The following SYT16 variants were observed in gnomAD, a reference collection of about 807,000 sequenced individuals.
SYT16 encodes the protein synaptotagmin-16.
SYT16 carries 42 observed loss-of-function variants against 61.4 expected under a neutral mutation model. The ratio of observed to expected loss-of-function variants is 0.68; its 90% CI spans 0.53 to 0.89. SYT16 has a LOEUF of 0.89. Ranked by LOEUF, SYT16 falls within the 40% of genes least tolerant of loss-of-function variation. The pLI is 0.00. For missense variants in SYT16, 804 were observed against 807.3 expected (o/e 1.00, Z 0.05); for synonymous variants, 314 against 302.3 (o/e 1.04, Z -0.40).
chr14:61,979,657 G>A (rs933042542), intron 2 of SYT16, among the ~76,000 whole-genome samples: 5 of 152,208 alleles, frequency 3.3e-5, no homozygotes. Flanking sequence ...GCTGAGGCGG[G>A]TGGATCACGA....
At chr14:61,836,147 T>G (rs1376463979) in intron 1 of SYT16, among the ~76,000 whole-genome samples, 2 of 152,228 alleles carry the variant, frequency 1.3e-5, no homozygotes, top group Non-Finnish European at 2.9e-5. Flanking sequence ...GGGCAGCTTA[T>G]CTTTGTATAA....
At chr14:62,011,874 T>TACACACACACAC (rs576570781) in intron 3 of SYT16, among the ~76,000 whole-genome samples, 184 of 136,474 alleles carry the variant, frequency 1.3e-3, no homozygotes, top group African/African-American at 4.7e-3. Context: ...ACACTATATA[T>TACACACACACAC]ACACACACAC....
intron 3 of SYT16, among the ~76,000 whole-genome samples, chr14:62,039,955 G>C (rs2054662771): frequency 6.6e-6 from 1 of 151,702 alleles, no homozygotes; most frequent in South Asian, 2.1e-4. Flanking sequence ...GTGAGTGCTG[G>C]ATACAAGAAT....
At chr14:61,852,968 G>T (rs1398064801) in intron 1 of SYT16, among the ~76,000 whole-genome samples, 2 of 152,126 alleles carry the variant, frequency 1.3e-5, no homozygotes, top group Non-Finnish European at 2.9e-5. Context: ...GCCCAGACTG[G>T]AGTGCAGGGG....
chr14:61,820,925 G>C (rs902960057), intron 1 of SYT16, among the ~76,000 whole-genome samples: 13 of 152,186 alleles, frequency 8.5e-5, no homozygotes, highest in East Asian at 1.9e-4. Flanking sequence ...CTTCCTTCTG[G>C]GAGTAGCCTT....
At chr14:61,843,998 G>A (rs1055981884) in intron 1 of SYT16, among the ~76,000 whole-genome samples, 1 of 152,138 alleles carries the variant, frequency 6.6e-6, no homozygotes, top group Non-Finnish European at 1.5e-5. Context: ...TGGGTAGTAT[G>A]AACATTTTAG....
chr14:62,054,976 A>G (rs1566803209), intron 3 of SYT16, among the ~76,000 whole-genome samples: 1 of 152,184 alleles, frequency 6.6e-6, no homozygotes. Flanking sequence ...TCATTTTAGA[A>G]TCTATGGCAA....
Position 62,100,401 on chromosome 14 carries a change from T to C in SYT16, c.1632T>C (p.Tyr544=), listed in dbSNP as rs1285090185. Residue 544 remains tyrosine (Y), a synonymous_variant, in exon 8 of 8, where the codon TAT becomes TAC. Transcript: ENST00000683842. The stretch of plus-strand genomic sequence containing the variant: ...CTTTTTTTTTTGTCTTAGATACATA[T>C]GGAAAACTCTTTCTCCTCAATTCTG... ...NLAVNRAPDT[Y]GKLFLLNSVG... is the part of the protein sequence containing the mutation. 6 of 1,602,828 alleles carry C rather than the reference T, an allele frequency of 3.7e-6. No homozygotes were observed. The highest frequency in any genetic ancestry group is 1.1e-5 in the South Asian group (1 of 89,146).
chr14:61,858,120 C>CAAAAAAAAAAAAAAAAGAA (rs2046833499), intron 1 of SYT16, among the ~76,000 whole-genome samples: 1 of 43,230 alleles, frequency 2.3e-5, no homozygotes, highest in African/African-American at 5.8e-5. Flanking sequence ...CACAGCTTGG[C>CAAAAAAAAAAAAAAAAGAA]AAAAAAAAAA....
Position 62,069,603 on chromosome 14 carries a change from T to G in SYT16, c.524T>G (p.Val175Gly), listed in dbSNP as rs200948470. 25 of 1,613,828 alleles carry G rather than the reference T, an allele frequency of 1.5e-5. No homozygotes were observed. Among genetic ancestry groups the G allele is most frequent in the Non-Finnish European group, 2.0e-5 (24 of 1,179,806 alleles). The change falls in exon 4 of 8, where the codon GTC becomes GGC. Residue 175 changes from valine to glycine, a missense_variant and splice_region_variant. Transcript: ENST00000683842. ...TLETVNGKKQ[V>G]NSFGDDEELS... ...ACTCATGGCTCTTGTTTACTCCCAG[T>G]CAACAGCTTTGGGGATGACGAAGAG...
chr14:62,075,257 C>A lies in SYT16; in HGVS notation c.859C>A (p.His287Asn), dbSNP rs1037279139. Reference sequence around the variant, plus strand: ...GGATGCCAAACACCACGGCACATCTCACCAAGAGTCCAGTGTGGTCCAAAG... The same window carrying A: ...GGATGCCAAACACCACGGCACATCTAACCAAGAGTCCAGTGTGGTCCAAAG... Reference protein sequence around the residue: ...RGDAKHHGTSHQESSVVQSLR... With the variant: ...RGDAKHHGTSNQESSVVQSLR... Residue 287 changes from histidine to asparagine, a missense_variant, in exon 5 of 8, where the codon CAC (histidine) becomes AAC (asparagine). By Grantham distance (68) the His-to-Asn change is moderately conservative. Transcript: ENST00000683842. The A allele has an allele frequency of 2.5e-6, 4 of 1,613,940 alleles. No individual in the cohort carries two copies. Among genetic ancestry groups the A allele is most frequent in the Admixed American group, 1.7e-5 (1 of 60,012 alleles).
chr14:61,967,790 A>G (rs2051376350), intron 1 of SYT16, among the ~76,000 whole-genome samples: 1 of 152,136 alleles, frequency 6.6e-6, no homozygotes, highest in African/African-American at 2.4e-5. Context: ...CCACAGCTCA[A>G]CCTGCTACAG....
At chr14:61,962,634 A>G (rs1016953375) in intron 1 of SYT16, among the ~76,000 whole-genome samples, 2 of 152,022 alleles carry the variant, frequency 1.3e-5, no homozygotes, top group Non-Finnish European at 2.9e-5. Context: ...GACTTCCATA[A>G]TGCATATATT....
chr14:62,078,059 A>T (rs1415085132), intron 5 of SYT16, among the ~76,000 whole-genome samples: 2 of 151,486 alleles, frequency 1.3e-5, no homozygotes, highest in Non-Finnish European at 2.9e-5. Context: ...AGAGAGTGTG[A>T]TTCCAACCCC....
chr14:61,993,182 A>C (rs1409725188), intron 2 of SYT16, among the ~76,000 whole-genome samples: 1 of 151,942 alleles, frequency 6.6e-6, no homozygotes, highest in Non-Finnish European at 1.5e-5. Context: ...CAAACATCAC[A>C]TATGCTCACT....
Position 61,902,159 on chromosome 14 carries a change from C to T in SYT16, c.-324-67973C>T, listed in dbSNP as rs112417117. 3.8e-3 allele frequency among the ~76,000 whole-genome samples: 582 copies of T among 152,276 alleles called. 3 individuals carry two copies. The highest frequency in any genetic ancestry group is 0.013 in the African/African-American group (546 of 41,540). On this transcript the variant is annotated intron_variant, in intron 1 of 7. Transcript: ENST00000683842. ...GTTGTATCTTCCACCCTTTATACTC[C>T]TCCCTGTAGTTCTCTACCTCCATTC... is the stretch of plus-strand genomic sequence containing the variant.
intron 1 of SYT16, among the ~76,000 whole-genome samples, chr14:61,944,226 A>G (rs1368872776): frequency 6.6e-6 from 1 of 152,250 alleles, no homozygotes; most frequent in Non-Finnish European, 1.5e-5. Context: ...GCTCAAGGAA[A>G]TAAGAGAGGA....
intron 1 of SYT16, among the ~76,000 whole-genome samples, chr14:61,950,227 TC>T (rs1440702653): frequency 3.9e-5 from 6 of 152,202 alleles, no homozygotes; most frequent in Non-Finnish European, 7.3e-5. Context: ...ATTGTTTACG[TC>T]TCTAAATTGG....
At position 62,058,372 on chromosome 14, in the gene SYT16, T is replaced by C. The variant is rs143778887; in HGVS notation, c.524-11231T>C. Among the ~76,000 whole-genome samples, 71 of 136,598 alleles carry C rather than the reference T, an allele frequency of 5.2e-4. 1 individual carries two copies. The East Asian group carries it at 0.015, about 29-fold the overall frequency. The allele number at this position is 136,598 out of a possible 152,430, so 89.6% of individuals were successfully genotyped here. A position where few individuals can be genotyped will look rare whatever the true frequency, so the allele number is the denominator to read the frequency against. ...TTTTTTTTTTTTTTTTGAGAAGGAG[T>C]CTCGCTCTGTCACCCAGCTCTGTCA... On this transcript the variant is annotated intron_variant, in intron 3 of 7. Transcript: ENST00000683842.
Sources: allele counts gnomAD v4.1 joint callset (sites outside exome capture counted in the v4.1 genomes callset), GRCh38; gene constraint gnomAD v4.1.1; transcripts MANE v1.5; gene names NCBI Gene and HGNC (gene_info 2026-07-23, HGNC 2026-07-21).